The following LIN54 variants were observed in gnomAD, a reference collection of about 807,000 sequenced individuals.
The protein encoded by LIN54 is protein lin-54 homolog.
Under a neutral mutation model 78.7 loss-of-function variants are expected in LIN54, and 9 were observed. That is an observed-to-expected ratio of 0.11 (90% CI 0.07 to 0.20). LIN54 has a LOEUF of 0.20. Ranked by LOEUF, LIN54 falls within the 10% of genes least tolerant of loss-of-function variation. The pLI, the probability that LIN54 is intolerant of heterozygous loss-of-function variation, is 1.00. For synonymous variants in LIN54, 269 were observed against 318.4 expected (o/e 0.84, Z 1.65); for missense variants, 573 against 889.9 (o/e 0.64, Z 4.53).
At chr4:82,942,889 CA>C (rs879872176) in intron 5 of LIN54, among the ~76,000 whole-genome samples, 2,324 of 148,844 alleles carry the variant, frequency 0.016, 26 homozygotes, top group Non-Finnish European at 0.021. Flanking sequence ...CACACACACA[CA>C]CACCCTCCCT....
chr4:82,959,998 C>G lies in LIN54; in HGVS notation c.951+10329G>C, dbSNP rs982441415. Among the ~76,000 whole-genome samples, 10 of 152,122 alleles carry G rather than the reference C, an allele frequency of 6.6e-5. 1 individual carries two copies. Among genetic ancestry groups the G allele is most frequent in the South Asian group, 2.1e-4 (1 of 4,828 alleles). ...ACTTGGCAGAAGATAAAGATTGAAACCTATCTGAACTATAATAATCTGCAG... is the reference window on the plus strand; with the variant it reads ...ACTTGGCAGAAGATAAAGATTGAAAGCTATCTGAACTATAATAATCTGCAG... On this transcript the variant is annotated intron_variant, in intron 4 of 12. Coordinates refer to ENST00000340417, the MANE Select transcript of LIN54 (RefSeq NM_194282.4).
At chr4:82,972,374 T>G (rs960983544) in intron 3 of LIN54, among the ~76,000 whole-genome samples, 2 of 152,178 alleles carry the variant, frequency 1.3e-5, no homozygotes, top group Admixed American at 6.5e-5. Flanking sequence ...AGTACATAGA[T>G]TAATTTTAAT....
chr4:82,982,331 C>T (rs1427984957), intron 2 of LIN54, among the ~76,000 whole-genome samples: 9 of 152,234 alleles, frequency 5.9e-5, no homozygotes, highest in East Asian at 1.9e-4. Flanking sequence ...CCGGCTCAAG[C>T]GACCCTCTCA....
intron 2 of LIN54, among the ~76,000 whole-genome samples, chr4:82,980,740 T>C (rs1297239319): frequency 2.0e-5 from 3 of 152,150 alleles, no homozygotes; most frequent in African/African-American, 7.2e-5. Flanking sequence ...ATTGTATCTA[T>C]TGTATCTATA....
chr4:83,006,026 CAG>C (rs1279399191), intron 1 of LIN54, among the ~76,000 whole-genome samples: 1 of 152,158 alleles, frequency 6.6e-6, no homozygotes, highest in Admixed American at 6.5e-5. Flanking sequence ...CAAATTAACA[CAG>C]AAACAGAAAA....
At chr4:82,932,169 A>T (rs1294586111) in intron 11 of LIN54, among the ~76,000 whole-genome samples, 1 of 141,908 alleles carries the variant, frequency 7.0e-6, no homozygotes, top group Non-Finnish European at 1.5e-5. Flanking sequence ...ATCTCAGCTC[A>T]CTGCAAGCTC....
At chr4:83,005,834 A>G (rs1481762804) in intron 1 of LIN54, among the ~76,000 whole-genome samples, 1 of 152,170 alleles carries the variant, frequency 6.6e-6, no homozygotes, top group Non-Finnish European at 1.5e-5. Context: ...ATGCACCCAC[A>G]TGGTCATCGC....
chr4:82,966,367 C>CA (rs1376376124), intron 4 of LIN54, among the ~76,000 whole-genome samples: 2 of 150,624 alleles, frequency 1.3e-5, no homozygotes, highest in Non-Finnish European at 3.0e-5. Context: ...CAAAGCTAAA[C>CA]AAAAAATGAC....
intron 1 of LIN54, among the ~76,000 whole-genome samples, chr4:82,986,323 G>A (rs1727131918): frequency 6.6e-6 from 1 of 152,010 alleles, no homozygotes; most frequent in Non-Finnish European, 1.5e-5. Context: ...CTCCATGTTG[G>A]TCAGGCTGGT....
At chr4:82,983,096 C>A (rs1726812746) in intron 2 of LIN54, among the ~76,000 whole-genome samples, 1 of 151,212 alleles carries the variant, frequency 6.6e-6, no homozygotes, top group Non-Finnish European at 1.5e-5. Flanking sequence ...CAACCTCTGC[C>A]TCCCGGGTTC....
intron 1 of LIN54, among the ~76,000 whole-genome samples, chr4:82,994,079 G>A (rs188336822): frequency 3.7e-4 from 56 of 152,138 alleles, no homozygotes; most frequent in Non-Finnish European, 7.2e-4. Flanking sequence ...TTTACAGTAA[G>A]CCTTTAATAT....
intron 1 of LIN54, among the ~76,000 whole-genome samples, chr4:83,008,205 G>A (rs1359050338): frequency 1.3e-5 from 2 of 152,164 alleles, no homozygotes; most frequent in Non-Finnish European, 2.9e-5. Flanking sequence ...GCCTTCTGCA[G>A]CAAGACCCCA....
upstream of LIN54, among the ~76,000 whole-genome samples, chr4:83,012,571 G>A (rs1729918464): frequency 6.6e-6 from 1 of 152,208 alleles, no homozygotes; most frequent in East Asian, 1.9e-4. Context: ...GACGGGAAGA[G>A]ACCGAGCCCC....
intron 4 of LIN54, among the ~76,000 whole-genome samples, chr4:82,966,247 T>A (rs1051746565): frequency 6.6e-6 from 1 of 152,172 alleles, no homozygotes; most frequent in African/African-American, 2.4e-5. Flanking sequence ...ATGACAAAAA[T>A]GTCCAAAAAC....
chr4:82,965,982 T>A (rs1220185266), intron 4 of LIN54, among the ~76,000 whole-genome samples: 1 of 152,228 alleles, frequency 6.6e-6, no homozygotes, highest in Non-Finnish European at 1.5e-5. Flanking sequence ...TGTGGCCTAG[T>A]ATCCTTTTTG....
rs1031326425 is a variant in LIN54 at position 82,984,895 on chromosome 4, A to C, written c.-32-19T>G. The stretch of plus-strand genomic sequence containing the variant: ...TCAGGCACTGTAATAAAAGTTGAAA[A>C]ATGAACAAGTTACTAGGTTTCAAAA... On this transcript the variant is annotated intron_variant, in intron 1 of 12. Coordinates refer to ENST00000340417, the MANE Select transcript of LIN54 (RefSeq NM_194282.4). 5 of 1,498,540 alleles carry C rather than the reference A, an allele frequency of 3.3e-6. No homozygotes were observed. The highest frequency in any genetic ancestry group is 4.5e-6 in the Non-Finnish European group (5 of 1,119,016). The allele number at this position is 1,498,540 out of a possible 1,614,324, so 92.8% of individuals were successfully genotyped here. A position where few individuals can be genotyped will look rare whatever the true frequency, so the allele number is the denominator to read the frequency against.
At chr4:83,000,267 G>A (rs748129533) in intron 1 of LIN54, among the ~76,000 whole-genome samples, 3 of 152,104 alleles carry the variant, frequency 2.0e-5, no homozygotes, top group Non-Finnish European at 2.9e-5. Context: ...TATTAGTGAG[G>A]CACAAAAGGG....
intron 4 of LIN54, among the ~76,000 whole-genome samples, chr4:82,954,957 C>T (rs1176876190): frequency 6.6e-6 from 1 of 152,056 alleles, no homozygotes; most frequent in African/African-American, 2.4e-5. Flanking sequence ...GATACACTAC[C>T]AAAAGGACAA....
At chr4:82,992,406 G>C (rs1204560893) in intron 1 of LIN54, among the ~76,000 whole-genome samples, 1 of 152,182 alleles carries the variant, frequency 6.6e-6, no homozygotes, top group Non-Finnish European at 1.5e-5. Flanking sequence ...GACCGGGCAT[G>C]GTGGCTCACA....
Sources: gnomAD v4.1 joint callset for allele counts (sites outside exome capture counted in the v4.1 genomes callset) on GRCh38, gnomAD v4.1.1 for gene constraint, MANE v1.5 for transcripts, NCBI Gene and HGNC (gene_info 2026-07-23, HGNC 2026-07-21) for gene names.